ATP6V0A2: variants seen among roughly 807,000 people sequenced by gnomAD.
ATP6V0A2 encodes the protein ATPase H+ transporting V0 subunit a2.
Under a neutral mutation model 104.4 loss-of-function variants are expected in ATP6V0A2, and 58 were observed. The ratio of observed to expected loss-of-function variants is 0.56; its 90% CI spans 0.45 to 0.69. ATP6V0A2 has a LOEUF of 0.69. ATP6V0A2 is among the 30% of genes least tolerant of loss of function. The pLI is 0.00. For synonymous variants in ATP6V0A2, 376 were observed against 397.9 expected, an observed-to-expected ratio of 0.95 and a Z score of 0.65; for missense variants, 938 against 1,062.9, an observed-to-expected ratio of 0.88 and a Z score of 1.63.
intron 2 of ATP6V0A2, among the ~76,000 whole-genome samples, 179 bp from the exon 3 acceptor site, chr12:123,722,169 CATT>C (rs1956406079): frequency 6.6e-6 from 1 of 152,014 alleles, no homozygotes; most frequent in Non-Finnish European, 1.5e-5. Context: ...CTCTAGGCAG[CATT>C]ATTTTTGGAA....
chr12:123,738,643 C>T (rs1956579930), intron 9 of ATP6V0A2, among the ~76,000 whole-genome samples: 1 of 152,064 alleles, frequency 6.6e-6, no homozygotes, highest in Non-Finnish European at 1.5e-5. Context: ...TGAACTTATC[C>T]ATCTTTGCTC....
intron 6 of ATP6V0A2, among the ~76,000 whole-genome samples, chr12:123,729,708 GGTT>G (rs908950987): frequency 3.3e-5 from 5 of 152,126 alleles, no homozygotes; most frequent in East Asian, 1.9e-4. Flanking sequence ...TTTGAGGAAA[GGTT>G]GTTTTTTTTC....
Position 123,743,842 on chromosome 12 carries a change from C to T in ATP6V0A2, c.1096C>T (p.Pro366Ser), listed in dbSNP as rs372416067. Residue 366 changes from proline to serine, a missense_variant, in exon 10 of 20, where the codon CCC (proline) becomes TCC (serine). Transcript: ENST00000330342. ...GAATATAATCCCCACAAAAGAAACACCCCCCACTCGGATCCGCACCAACAA... is the reference window on the plus strand; with the variant it reads ...GAATATAATCCCCACAAAAGAAACATCCCCCACTCGGATCCGCACCAACAA... ...FMNIIPTKET[P>S]PTRIRTNKFT... 5.1e-5 allele frequency: 82 copies of T among 1,613,820 alleles called. No homozygotes were observed. Among genetic ancestry groups the T allele is most frequent in the Non-Finnish European group, 6.6e-5 (78 of 1,179,900 alleles).
At position 123,745,475 on chromosome 12, in the gene ATP6V0A2, G is replaced by A. The variant is rs138262777; in HGVS notation, c.1605+503G>A. On this transcript the variant is annotated intron_variant, in intron 13 of 19. Transcript: ENST00000330342. The stretch of plus-strand genomic sequence containing the variant: ...TAATTCCAGCACTTTGGGAGGCCGA[G>A]GCGGGCAGATCATGAGGTCAGGAGA... Among the ~76,000 whole-genome samples, 896 of 152,268 alleles carry A rather than the reference G, an allele frequency of 5.9e-3. 8 individuals carry two copies. The highest frequency in any genetic ancestry group is 0.021 in the African/African-American group (863 of 41,544).
At chr12:123,746,180 A>G (rs1319187235) in intron 13 of ATP6V0A2, among the ~76,000 whole-genome samples, 1 of 152,058 alleles carries the variant, frequency 6.6e-6, no homozygotes, top group African/African-American at 2.4e-5. Flanking sequence ...CAAGGAAGAA[A>G]GTTTGAGTGA....
intron 1 of ATP6V0A2, among the ~76,000 whole-genome samples, chr12:123,712,888 C>T (rs576484888): frequency 2.6e-5 from 4 of 152,136 alleles, no homozygotes; most frequent in Admixed American, 6.5e-5. Flanking sequence ...TCTGTGTGGT[C>T]GGCGGCTGCT....
Position 123,747,677 on chromosome 12 carries a change from G to A in ATP6V0A2, c.1676G>A (p.Gly559Glu). 6.2e-7 allele frequency: 1 copy of A among 1,613,336 alleles called. No homozygotes were observed. The highest frequency in any genetic ancestry group is 1.1e-5 in the South Asian group (1 of 91,060). The change falls in exon 14 of 20, where the codon GGA becomes GAA. Residue 559 changes from glycine (G) to glutamate (E), a missense_variant. Transcript: ENST00000330342. ...AAAATGAAAATGTCCGTGATTTTAG[G>A]AATCATTCATATGACTTTTGGAGTC... ...SFKMKMSVIL[G>E]IIHMTFGVIL... is the part of the protein sequence containing the mutation.
In ATP6V0A2 at chr12:123,744,394, G is replaced by A. The variant is rs935973779; in HGVS notation, c.1326+57G>A. The A allele has an allele frequency of 2.0e-5, 32 of 1,608,964 alleles. No individual in the cohort carries two copies. Among genetic ancestry groups the A allele is most frequent in the Non-Finnish European group, 2.5e-5 (29 of 1,175,768 alleles). ...TGGTTAGGTGGCATTAGCAGTGACC[G>A]AAAGAGAGACACCTCTTAGATGTTT... is the stretch of plus-strand genomic sequence containing the variant. On this transcript the variant is annotated intron_variant, in intron 11 of 19. Coordinates refer to ENST00000330342, the MANE Select transcript of ATP6V0A2 (RefSeq NM_012463.4). The surrounding 1 kb of genome is among the most constrained non-coding windows in gnomAD (Gnocchi z 5.4).
rs1956685139 is a variant in ATP6V0A2, at chr12:123,748,611, C to T, written c.1761C>T (p.Ser587=). The change falls in exon 15 of 20, where the codon TCC becomes TCT. Residue 587 remains serine, a synonymous_variant. Coordinates refer to ENST00000330342, the MANE Select transcript of ATP6V0A2 (RefSeq NM_012463.4). ...FRKKFNIYLV[S]IPELLFMLCI... ...AGAAGTTCAACATTTACCTGGTTTCCATCCCGGAACTTCTCTTCATGCTCT... is the reference window on the plus strand; with the variant it reads ...AGAAGTTCAACATTTACCTGGTTTCTATCCCGGAACTTCTCTTCATGCTCT... 1 of 1,614,042 alleles carries T rather than the reference C, an allele frequency of 6.2e-7. No individual in the cohort carries two copies. The highest frequency in any genetic ancestry group is 8.5e-7 in the Non-Finnish European group (1 of 1,179,940).
intron 2 of ATP6V0A2, among the ~76,000 whole-genome samples, chr12:123,721,921 G>A (rs556734507): frequency 6.6e-6 from 1 of 152,336 alleles, no homozygotes; most frequent in South Asian, 2.1e-4. Context: ...AGGGGCTATT[G>A]TAGGTCTATC....
chr12:123,756,403 C>T (rs920876208), intron 18 of ATP6V0A2: 11 of 159,254 alleles, frequency 6.9e-5, no homozygotes, highest in Admixed American at 4.5e-4. Flanking sequence ...GGCCCTGTCT[C>T]GTTCATCTCC....
chr12:123,717,862 C>T (rs1465072839), intron 1 of ATP6V0A2, among the ~76,000 whole-genome samples: 1 of 151,984 alleles, frequency 6.6e-6, no homozygotes, highest in African/African-American at 2.4e-5. Context: ...TCATCTGTTT[C>T]CATAGCTTTT....
intron 13 of ATP6V0A2, among the ~76,000 whole-genome samples, chr12:123,746,672 C>T (rs978064331): frequency 2.1e-5 from 3 of 145,694 alleles, no homozygotes; most frequent in African/African-American, 5.2e-5. Context: ...AAAGGTTGGG[C>T]GCGGTGGCTC....
chr12:123,716,766 A>T (rs972191322), intron 1 of ATP6V0A2, among the ~76,000 whole-genome samples: 1 of 150,034 alleles, frequency 6.7e-6, no homozygotes, highest in Non-Finnish European at 1.5e-5. Flanking sequence ...ACTTCAGCCT[A>T]GGCGACAGTG....
intron 18 of ATP6V0A2, among the ~76,000 whole-genome samples, chr12:123,756,098 A>C (rs12827680): frequency 0.53 from 77,139 of 144,188 alleles, 22,298 homozygotes; most frequent in East Asian, 0.91. Flanking sequence ...AAAAAAAAAA[A>C]ACCGAAAAAC....
chr12:123,733,798 C>A, intron 6 of ATP6V0A2, 128 bp from the exon 7 acceptor site: 1 of 752,872 alleles, frequency 1.3e-6, no homozygotes, highest in Non-Finnish European at 2.4e-6. Flanking sequence ...ATTACAGAAT[C>A]CTCAAATAAG....
chr12:123,743,954 A>G lies in ATP6V0A2; in HGVS notation c.1189+19A>G. The G allele has an allele frequency of 6.2e-7, 1 of 1,614,042 alleles. No individual in the cohort carries two copies. The highest frequency in any genetic ancestry group is 2.2e-5 in the East Asian group (1 of 44,888). The stretch of plus-strand genomic sequence containing the variant: ...AATCCAGGTTGGAAGTCTGATTTGT[A>G]AATACCCGTATTTCCAATGGCATTG... On this transcript the variant is annotated intron_variant, in intron 10 of 19. Coordinates refer to ENST00000330342, the MANE Select transcript of ATP6V0A2 (RefSeq NM_012463.4).
At chr12:123,728,342 C>G (rs1217432129) in intron 6 of ATP6V0A2, among the ~76,000 whole-genome samples, 2 of 151,084 alleles carry the variant, frequency 1.3e-5, no homozygotes, top group Non-Finnish European at 2.9e-5. Context: ...CCACGTAGGC[C>G]TCTCAAAGCC....
chr12:123,761,414 T>C lies in ATP6V0A2; in HGVS notation c.*3382T>C, dbSNP rs1956822492. The C allele has an allele frequency of 6.6e-6, 1 of 152,260 alleles. No individual in the cohort carries two copies. The highest frequency in any genetic ancestry group is 1.5e-5 in the Non-Finnish European group (1 of 68,044). The allele number at this position is 152,260 out of a possible 1,614,324, so 9.4% of individuals were successfully genotyped here. ...GTTTGCTTGCGTGCCACAGGGAATA[T>C]ATCCAGGAAGGTTATTATGAAGCTG... On this transcript the variant is annotated 3_prime_UTR_variant, in exon 20 of 20. Transcript: ENST00000330342.
Sources: gnomAD v4.1 joint callset for allele counts (sites outside exome capture counted in the v4.1 genomes callset) on GRCh38, gnomAD v4.1.1 for gene constraint, Gnocchi (gnomAD v3.1) non-coding constraint, MANE v1.5 for transcripts, NCBI Gene and HGNC (gene_info 2026-07-23, HGNC 2026-07-21) for gene names.